Variants in PLCB1 observed in about 807,000 individuals in gnomAD.
PLCB1 encodes the protein 1-phosphatidylinositol 4,5-bisphosphate phosphodiesterase beta-1.
Under a neutral mutation model 161.8 loss-of-function variants are expected in PLCB1, and 46 were observed. The observed-to-expected ratio is 0.28, with a 90% CI of 0.22 to 0.36. The LOEUF is 0.36. PLCB1 is among the 10% of genes least tolerant of loss of function. The pLI is 1.00. For synonymous variants in PLCB1, 517 were observed against 503.7 expected (o/e 1.03, Z -0.35); for missense variants, 1,016 against 1,472.5 (o/e 0.69, Z 5.07).
intron 3 of PLCB1, among the ~76,000 whole-genome samples, chr20:8,535,910 G>A (rs1249461918): frequency 6.6e-6 from 1 of 152,002 alleles, no homozygotes; most frequent in Non-Finnish European, 1.5e-5. Flanking sequence ...CCTTACGGAG[G>A]CTGTAACTGT....
intron 3 of PLCB1, among the ~76,000 whole-genome samples, chr20:8,516,110 CT>C (rs529472458): frequency 1.1e-4 from 17 of 152,274 alleles, no homozygotes; most frequent in Admixed American, 6.5e-4. Context: ...ACCCTCCCCC[CT>C]GATTCAGTTA....
At chr20:8,283,836 T>A (rs1245041733) in intron 2 of PLCB1, among the ~76,000 whole-genome samples, 2 of 152,048 alleles carry the variant, frequency 1.3e-5, no homozygotes, top group Admixed American at 1.3e-4. Context: ...CAACATAGAA[T>A]CTTTGAAAAA....
chr20:8,800,600 G>C (rs1161102392), intron 31 of PLCB1, among the ~76,000 whole-genome samples: 2 of 152,130 alleles, frequency 1.3e-5, no homozygotes, highest in Non-Finnish European at 2.9e-5. Flanking sequence ...AAAGAGAGTA[G>C]CCAGCAGCAT....
rs570692053 is a variant in PLCB1 at position 8,799,374 on chromosome 20, A to G, written c.3423+9113A>G. 4.4e-3 allele frequency among the ~76,000 whole-genome samples: 670 copies of G among 152,332 alleles called. 4 individuals are homozygous for G. The highest frequency in any genetic ancestry group is 6.1e-3 in the Non-Finnish European group (414 of 68,036). On this transcript the variant is annotated intron_variant, in intron 31 of 31. Coordinates refer to ENST00000338037, the MANE Select transcript of PLCB1 (RefSeq NM_015192.4). ...ATTGGCTTTCATCTGCCCACCTGCC[A>G]TACATGAAAAGTCCACACAACCACG...
chr20:8,259,633 A>T (rs1361391027), intron 2 of PLCB1, among the ~76,000 whole-genome samples: 1 of 151,886 alleles, frequency 6.6e-6, no homozygotes, highest in Non-Finnish European at 1.5e-5. Context: ...AAATAATATA[A>T]AGTCTCCACT....
In PLCB1 at chr20:8,540,374, C is replaced by T. The variant is rs771407176; in HGVS notation, c.247-87920C>T. Among the ~76,000 whole-genome samples, 10 of 152,226 alleles carry T rather than the reference C, an allele frequency of 6.6e-5. 1 individual carries two copies. The highest frequency in any genetic ancestry group is 1.9e-4 in the African/African-American group (8 of 41,528). ...CTTTCCTCTCATTGGCAGCTCACTACGCAGCTTGCAAAGGTTCACAGGTGG... is the reference window on the plus strand; with the variant it reads ...CTTTCCTCTCATTGGCAGCTCACTATGCAGCTTGCAAAGGTTCACAGGTGG... On this transcript the variant is annotated intron_variant, in intron 3 of 31. Transcript: ENST00000338037.
chr20:8,594,103 G>C (rs572119323), intron 3 of PLCB1, among the ~76,000 whole-genome samples: 3 of 152,036 alleles, frequency 2.0e-5, no homozygotes, highest in Admixed American at 2.0e-4. Flanking sequence ...CGCTGGTCTT[G>C]AACACCCTGC....
chr20:8,732,803 AT>A (rs1980338100), intron 18 of PLCB1, among the ~76,000 whole-genome samples: 1 of 144,962 alleles, frequency 6.9e-6, no homozygotes, highest in Non-Finnish European at 1.5e-5. Context: ...TATCTAATAT[AT>A]GTTAGATATT....
chr20:8,528,200 A>G (rs1984658564), intron 3 of PLCB1, among the ~76,000 whole-genome samples: 1 of 152,050 alleles, frequency 6.6e-6, no homozygotes, highest in South Asian at 2.1e-4. Context: ...CTGCATTTCT[A>G]CCAATGTAAA....
chr20:8,652,249 TCTAA>T (rs1989341192), intron 7 of PLCB1: 2 of 152,084 alleles, frequency 1.3e-5, no homozygotes, highest in Admixed American at 1.3e-4. Flanking sequence ...AAAAATTATC[TCTAA>T]CAAATTAAAT....
intron 31 of PLCB1, among the ~76,000 whole-genome samples, chr20:8,845,125 T>TAAATA (rs11474524): frequency 0.28 from 42,765 of 151,048 alleles, 7,243 homozygotes; most frequent in East Asian, 0.63. Flanking sequence ...AAAAAATAAA[T>TAAATA]AAATAAAATA....
intron 31 of PLCB1, among the ~76,000 whole-genome samples, chr20:8,877,144 C>T (rs1987810288): frequency 6.6e-6 from 1 of 152,134 alleles, no homozygotes; most frequent in African/African-American, 2.4e-5. Context: ...TATTAGAGTA[C>T]AAAACCCAGA....
chr20:8,545,969 G>C (rs768602815), intron 3 of PLCB1, among the ~76,000 whole-genome samples: 1 of 152,146 alleles, frequency 6.6e-6, no homozygotes, highest in Admixed American at 6.5e-5. Context: ...CATAAATATT[G>C]TGTTCTTTGT....
intron 3 of PLCB1, among the ~76,000 whole-genome samples, chr20:8,558,047 T>C (rs768474839): frequency 1.1e-4 from 16 of 151,512 alleles, no homozygotes; most frequent in Non-Finnish European, 2.2e-4. Context: ...GAGGGGGAAG[T>C]AGTGAGGCTT....
At chr20:8,270,494 C>A (rs1982227697) in intron 2 of PLCB1, among the ~76,000 whole-genome samples, 1 of 152,060 alleles carries the variant, frequency 6.6e-6, no homozygotes, top group South Asian at 2.1e-4. Flanking sequence ...TGATACTGGA[C>A]AAGGTTTGGG....
At chr20:8,338,864 A>C (rs1985688813) in intron 2 of PLCB1, among the ~76,000 whole-genome samples, 2 of 152,138 alleles carry the variant, frequency 1.3e-5, no homozygotes, top group Non-Finnish European at 2.9e-5. Context: ...CATCCAGCTT[A>C]GTTTACTGAT....
intron 2 of PLCB1, among the ~76,000 whole-genome samples, chr20:8,243,636 C>A (rs1980727332): frequency 6.6e-6 from 1 of 151,886 alleles, no homozygotes; most frequent in South Asian, 2.1e-4. Context: ...TTTACAAGCA[C>A]TTTAATTCCT....
intron 3 of PLCB1, among the ~76,000 whole-genome samples, chr20:8,378,840 C>T (rs1987173987): frequency 2.0e-5 from 3 of 152,286 alleles, no homozygotes; most frequent in African/African-American, 4.8e-5. Context: ...CTTTTGTTGT[C>T]GTTTCAACAC....
intron 3 of PLCB1, among the ~76,000 whole-genome samples, chr20:8,400,140 C>A (rs759779903): frequency 3.3e-5 from 5 of 152,090 alleles, no homozygotes; most frequent in African/African-American, 1.2e-4. Flanking sequence ...TAGGGAAGTA[C>A]CTTAGCTGCA....
Sources: gnomAD v4.1 joint callset for allele counts (sites outside exome capture counted in the v4.1 genomes callset) on GRCh38, gnomAD v4.1.1 for gene constraint, MANE v1.5 for transcripts, NCBI Gene and HGNC (gene_info 2026-07-23, HGNC 2026-07-21) for gene names.